The following NFKB1 variants were observed in gnomAD, a reference collection of about 807,000 sequenced individuals.
The protein encoded by NFKB1 is nuclear factor kappa B subunit 1.
NFKB1 carries 9 observed loss-of-function variants against 105.1 expected under a neutral mutation model. The ratio of observed to expected loss-of-function variants is 0.09; its 90% CI spans 0.05 to 0.15. The LOEUF is 0.15. NFKB1 is among the 10% of genes least tolerant of loss of function. The pLI is 1.00. For missense variants in NFKB1, 830 were observed against 1,203.7 expected (o/e 0.69, Z 4.59); for synonymous variants, 440 against 442.2 (o/e 1.00, Z 0.06).
Position 102,593,520 on chromosome 4 carries a change from A to G in NFKB1, c.1162A>G (p.Met388Val), listed in dbSNP as rs1426491900. The stretch of plus-strand genomic sequence containing the variant: ...TGGTGCTGGAGCTGGAGGCGGAGGC[A>G]TGTTTGGTAGTGGCGGTGGAGGAGG... ...GSGAGAGGGG[M>V]FGSGGGGGGT... The change falls in exon 12 of 24, where the codon ATG becomes GTG. Residue 388 changes from methionine (M) to valine (V), a missense_variant. Physicochemically the swap from Met to Val is conservative, Grantham distance 21. Coordinates refer to ENST00000226574, the MANE Select transcript of NFKB1 (RefSeq NM_003998.4). The G allele has an allele frequency of 5.6e-6, 9 of 1,613,598 alleles. No homozygotes were observed. The highest frequency in any genetic ancestry group is 7.6e-6 in the Non-Finnish European group (9 of 1,179,678).
In NFKB1 at chr4:102,567,094, G is replaced by T; in HGVS notation, c.366G>T (p.Gly122=). 1 of 1,613,942 alleles carries T rather than the reference G, an allele frequency of 6.2e-7. No homozygotes were observed. Among genetic ancestry groups the T allele is most frequent in the Non-Finnish European group, 8.5e-7 (1 of 1,179,856 alleles). Residue 122 remains glycine (G), a synonymous_variant, in exon 6 of 24, where the codon GGG becomes GGT. Coordinates refer to ENST00000226574, the MANE Select transcript of NFKB1 (RefSeq NM_003998.4). ...HSLVGKHCED[G]ICTVTAGPKD... is the part of the protein sequence containing the mutation. Reference sequence around the variant, plus strand: ...TGGTGGGAAAACACTGTGAGGATGGGATCTGCACTGTAACTGCTGGACCCA... The same window carrying T: ...TGGTGGGAAAACACTGTGAGGATGGTATCTGCACTGTAACTGCTGGACCCA...
chr4:102,537,033 A>T (rs928047534), intron 4 of NFKB1, among the ~76,000 whole-genome samples: 1 of 152,194 alleles, frequency 6.6e-6, no homozygotes, highest in South Asian at 2.1e-4. Flanking sequence ...TTTATAAATC[A>T]TAAAAAGTTA....
intron 1 of NFKB1, among the ~76,000 whole-genome samples, chr4:102,517,607 G>A (rs1400741026): frequency 6.6e-6 from 1 of 152,154 alleles, no homozygotes; most frequent in Non-Finnish European, 1.5e-5. Flanking sequence ...AAACTATGCT[G>A]TCTAGTGTTA....
chr4:102,532,462 A>G (rs1741357494), intron 3 of NFKB1, among the ~76,000 whole-genome samples: 1 of 152,092 alleles, frequency 6.6e-6, no homozygotes, highest in African/African-American at 2.4e-5. Context: ...CCCCGTCTCT[A>G]CTAAAAAAAT....
chr4:102,515,301 G>A (rs1016244483), intron 1 of NFKB1, among the ~76,000 whole-genome samples: 7 of 149,934 alleles, frequency 4.7e-5, no homozygotes, highest in Non-Finnish European at 1.0e-4. Context: ...TAGTAGAGAC[G>A]GGGTTTCACC....
At chr4:102,512,058 G>A (rs1578703840) in intron 1 of NFKB1, among the ~76,000 whole-genome samples, 1 of 152,350 alleles carries the variant, frequency 6.6e-6, no homozygotes, top group Non-Finnish European at 1.5e-5. Context: ...TGCTGTGTCA[G>A]TTGGGCTCTA....
At chr4:102,547,464 C>T (rs1013139001) in intron 5 of NFKB1, among the ~76,000 whole-genome samples, 5 of 152,170 alleles carry the variant, frequency 3.3e-5, no homozygotes, top group African/African-American at 1.2e-4. Context: ...AGCATTGGCT[C>T]TGAAGTCATT....
intron 15 of NFKB1, 41 bp downstream of exon 15, chr4:102,597,702 G>A (rs1347215392): frequency 2.5e-6 from 4 of 1,589,050 alleles, no homozygotes; most frequent in Non-Finnish European, 3.4e-6. Context: ...CCTGGGTGGG[G>A]AAGAAGAAGA....
chr4:102,580,841 T>G (rs1725263106), intron 9 of NFKB1, among the ~76,000 whole-genome samples: 2 of 152,228 alleles, frequency 1.3e-5, no homozygotes, highest in South Asian at 4.1e-4. Context: ...TAAATCACTT[T>G]TAGATTTCCC....
chr4:102,539,236 C>CAAAA (rs550342036), intron 5 of NFKB1, among the ~76,000 whole-genome samples: 40 of 95,274 alleles, frequency 4.2e-4, no homozygotes, highest in East Asian at 6.6e-4. Context: ...GACTCTGTCT[C>CAAAA]AAAAAAAAAA....
Position 102,569,122 on chromosome 4 carries a change from A to C in NFKB1, c.407+1987A>C, listed in dbSNP as rs1007749202. Among the ~76,000 whole-genome samples, 3 of 152,116 alleles carry C rather than the reference A, an allele frequency of 2.0e-5. 1 individual carries two copies. Among genetic ancestry groups the C allele is most frequent in the Admixed American group, 1.3e-4 (2 of 15,274 alleles). On this transcript the variant is annotated intron_variant, in intron 6 of 23. Transcript: ENST00000226574. ...TTTCCCAAAATACACTATTTCTTTC[A>C]TAATTCATTTGTTTCTATCTCTCTC...
intron 6 of NFKB1, among the ~76,000 whole-genome samples, chr4:102,575,039 A>G (rs1724701448): frequency 6.6e-6 from 1 of 152,210 alleles, no homozygotes; most frequent in South Asian, 2.1e-4. Flanking sequence ...AAAGGGCCAA[A>G]AGATATAGGT....
intron 23 of NFKB1, 146 bp downstream of exon 23, chr4:102,613,727 C>A: frequency 4.2e-6 from 4 of 951,118 alleles, no homozygotes; most frequent in Non-Finnish European, 6.1e-6. Flanking sequence ...CTGGGCTCAC[C>A]CTCTGCCTCT....
In NFKB1 at chr4:102,514,744, G is replaced by T. The variant is rs556624744; in HGVS notation, c.-7-10768G>T. Among the ~76,000 whole-genome samples, 6 of 152,106 alleles carry T rather than the reference G, an allele frequency of 3.9e-5. No homozygotes were observed. In the South Asian group the frequency reaches 1.2e-3, roughly 32 times the overall value. ...TTTCCATTAGTTCTGCCACGTTTTTGCTTCATGTATTTTGAAGCTTTGTTA... is the reference window on the plus strand; with the variant it reads ...TTTCCATTAGTTCTGCCACGTTTTTTCTTCATGTATTTTGAAGCTTTGTTA... On this transcript the variant is annotated intron_variant, in intron 1 of 23. Coordinates refer to ENST00000226574, the MANE Select transcript of NFKB1 (RefSeq NM_003998.4).
chr4:102,590,651 G>A (rs965303234), intron 11 of NFKB1, among the ~76,000 whole-genome samples: 1 of 152,154 alleles, frequency 6.6e-6, no homozygotes, highest in African/African-American at 2.4e-5. Flanking sequence ...TGTTCTGTGT[G>A]TTCTGACTGC....
At chr4:102,595,295 C>A (rs1363509139) in intron 13 of NFKB1, among the ~76,000 whole-genome samples, 1 of 152,142 alleles carries the variant, frequency 6.6e-6, no homozygotes, top group East Asian at 1.9e-4. Flanking sequence ...TGTATTCTGT[C>A]TCTTTTTTTC....
intron 3 of NFKB1, 97 bp downstream of exon 3, chr4:102,530,011 C>T: frequency 1.3e-6 from 1 of 792,900 alleles, no homozygotes. Flanking sequence ...CAGTTGTGTA[C>T]CTAGAAAGGA....
intron 1 of NFKB1, among the ~76,000 whole-genome samples, chr4:102,508,897 A>G (rs184927089): frequency 2.8e-4 from 42 of 152,342 alleles, no homozygotes; most frequent in Middle Eastern, 3.4e-3. Flanking sequence ...GACAAATCAT[A>G]TATCTCATGG....
At chr4:102,586,538 A>C (rs1725726213) in intron 11 of NFKB1, among the ~76,000 whole-genome samples, 2 of 152,204 alleles carry the variant, frequency 1.3e-5, no homozygotes, top group Admixed American at 6.5e-5. Flanking sequence ...CTGAGTCATC[A>C]TTCAAAGGTA....
Sources: allele counts gnomAD v4.1 joint callset (sites outside exome capture counted in the v4.1 genomes callset), GRCh38; gene constraint gnomAD v4.1.1; transcripts MANE v1.5; gene names NCBI Gene and HGNC (gene_info 2026-07-23, HGNC 2026-07-21).